The following TEX9 variants were observed in gnomAD, a reference collection of about 807,000 sequenced individuals.
TEX9 encodes the protein testis-expressed protein 9.
TEX9 carries 74 observed loss-of-function variants against 59.6 expected under a neutral mutation model. The ratio of observed to expected loss-of-function variants is 1.24; its 90% CI spans 1.03 to 1.51. The LOEUF is 1.51. TEX9 is among the 40% of genes most tolerant of loss of function. TEX9 has a pLI of 0.00. For synonymous variants in TEX9, 186 were observed against 152.2 expected, an observed-to-expected ratio of 1.22 and a Z score of -1.64; for missense variants, 522 against 447.8, an observed-to-expected ratio of 1.17 and a Z score of -1.49.
exon 10 of TEX9, chr15:56,412,393 A>T: frequency 6.2e-7 from 1 of 1,613,254 alleles, no homozygotes; most frequent in Non-Finnish European, 8.5e-7. Flanking sequence ...GAAGAAGCAG[A>T]AAAGTATAAA....
intron 1 of TEX9, among the ~76,000 whole-genome samples, chr15:56,343,366 G>C (rs1354047704): frequency 6.6e-6 from 1 of 151,894 alleles, no homozygotes; most frequent in Non-Finnish European, 1.5e-5. Context: ...CCTAAAGAAA[G>C]TAGAAGAAAG....
At chr15:56,263,603 T>C (rs1417025358) in intron 1 of TEX9, among the ~76,000 whole-genome samples, 1 of 152,206 alleles carries the variant, frequency 6.6e-6, no homozygotes, top group Non-Finnish European at 1.5e-5. Flanking sequence ...TACTAGATAG[T>C]TCTATGAGTT....
chr15:56,409,237 C>T (rs1396697431), intron 9 of TEX9, among the ~76,000 whole-genome samples: 1 of 152,078 alleles, frequency 6.6e-6, no homozygotes, highest in Admixed American at 6.6e-5. Context: ...CACACATACA[C>T]ATATGCATAC....
chr15:56,406,620 T>C (rs1355712896), intron 9 of TEX9, among the ~76,000 whole-genome samples: 5 of 152,172 alleles, frequency 3.3e-5, no homozygotes, highest in East Asian at 1.9e-4. Flanking sequence ...GGGATTATTA[T>C]CTTTTTAATT....
At chr15:56,272,205 A>G (rs1454061148) in intron 1 of TEX9, among the ~76,000 whole-genome samples, 1 of 152,086 alleles carries the variant, frequency 6.6e-6, no homozygotes, top group East Asian at 1.9e-4. Flanking sequence ...TACAGCTGTC[A>G]TCTCTGTTTA....
intron 1 of TEX9, among the ~76,000 whole-genome samples, chr15:56,269,047 G>C (rs1345435621): frequency 6.6e-6 from 1 of 152,102 alleles, no homozygotes; most frequent in Non-Finnish European, 1.5e-5. Context: ...TCCTTGTTTA[G>C]TCTTGGGAGG....
intron 1 of TEX9, among the ~76,000 whole-genome samples, chr15:56,318,777 A>G (rs1160724894): frequency 1.3e-5 from 2 of 152,108 alleles, no homozygotes; most frequent in Non-Finnish European, 2.9e-5. Flanking sequence ...TGTAATTTTA[A>G]TAGTATATAA....
chr15:56,262,208 C>A (rs189619909), intron 1 of TEX9, among the ~76,000 whole-genome samples: 1 of 152,240 alleles, frequency 6.6e-6, no homozygotes, highest in African/African-American at 2.4e-5. Flanking sequence ...CTGGCAAGAA[C>A]AAATATTTAA....
At chr15:56,328,710 A>T (rs574545255) in intron 1 of TEX9, among the ~76,000 whole-genome samples, 1 of 152,186 alleles carries the variant, frequency 6.6e-6, no homozygotes, top group East Asian at 1.9e-4. Flanking sequence ...TGGAAAGGGG[A>T]GAGAGAAGTG....
intron 1 of TEX9, among the ~76,000 whole-genome samples, chr15:56,250,118 T>A (rs150244614): frequency 7.2e-5 from 11 of 152,308 alleles, no homozygotes; most frequent in African/African-American, 2.6e-4. Context: ...ATCACTTAAG[T>A]CTGTGGTAAA....
intron 1 of TEX9, among the ~76,000 whole-genome samples, chr15:56,290,348 T>G (rs1291344121): frequency 6.6e-6 from 1 of 152,164 alleles, no homozygotes; most frequent in Non-Finnish European, 1.5e-5. Flanking sequence ...GGGATTGTGC[T>G]GATTCTTGCT....
chr15:56,447,015 T>A, downstream of TEX9: 1 of 1,013,576 alleles, frequency 9.9e-7, no homozygotes, highest in Non-Finnish European at 1.5e-6. Context: ...GAAAACTGAG[T>A]AACTGTATTT....
chr15:56,439,777 AAC>A (rs755190091), intron 12 of TEX9, among the ~76,000 whole-genome samples: 15 of 150,666 alleles, frequency 1.0e-4, no homozygotes, highest in Admixed American at 4.6e-4. Flanking sequence ...AAAAAAACAA[AAC>A]ACACACACAC....
At chr15:56,334,721 C>A (rs2046226010) in intron 1 of TEX9, among the ~76,000 whole-genome samples, 1 of 152,106 alleles carries the variant, frequency 6.6e-6, no homozygotes, top group South Asian at 2.1e-4. Context: ...AGACAACCCA[C>A]AGGATGGGAG....
At chr15:56,292,406 A>T (rs1471652097) in intron 1 of TEX9, among the ~76,000 whole-genome samples, 1 of 152,170 alleles carries the variant, frequency 6.6e-6, no homozygotes, top group African/African-American at 2.4e-5. Context: ...GAAGGAAGAA[A>T]TGGTTTTGGT....
intron 1 of TEX9, among the ~76,000 whole-genome samples, chr15:56,315,514 A>T (rs1174582085): frequency 6.6e-6 from 1 of 150,470 alleles, no homozygotes; most frequent in Non-Finnish European, 1.5e-5. Flanking sequence ...TTCTGCCGAG[A>T]GATCCGCTGT....
chr15:56,429,148 A>C, intron 12 of TEX9: 1 of 1,602,804 alleles, frequency 6.2e-7, no homozygotes, highest in Non-Finnish European at 8.5e-7. Context: ...ACTTTCCTGA[A>C]CTCTTCACCA....
intron 9 of TEX9, among the ~76,000 whole-genome samples, chr15:56,405,527 C>G (rs1022650493): frequency 6.6e-6 from 1 of 152,152 alleles, no homozygotes; most frequent in Admixed American, 6.5e-5. Context: ...ATACTTGAGA[C>G]TTCTAGTTCA....
chr15:56,419,938 A>G (rs1175351272), intron 10 of TEX9, among the ~76,000 whole-genome samples: 7 of 151,854 alleles, frequency 4.6e-5, no homozygotes, highest in African/African-American at 1.5e-4. Context: ...TTCAAATTCA[A>G]TTTCTTTAAT....
Sources: gnomAD v4.1 joint callset for allele counts (sites outside exome capture counted in the v4.1 genomes callset) on GRCh38, gnomAD v4.1.1 for gene constraint, MANE v1.5 for transcripts, NCBI Gene and HGNC (gene_info 2026-07-23, HGNC 2026-07-21) for gene names.